The following KASH5 variants were observed in gnomAD, a reference collection of about 807,000 sequenced individuals.
KASH5 encodes protein KASH5.
KASH5 carries 72 observed loss-of-function variants against 84.2 expected under a neutral mutation model. The ratio of observed to expected loss-of-function variants is 0.85; its 90% CI spans 0.71 to 1.04. KASH5 has a LOEUF of 1.04. Ranked by LOEUF, KASH5 falls within the 50% of genes least tolerant of loss-of-function variation. The pLI is 0.00. For missense variants in KASH5, 650 were observed against 701.0 expected (o/e 0.93, Z 0.82); for synonymous variants, 260 against 279.1 (o/e 0.93, Z 0.68).
At position 49,399,182 on chromosome 19, in the gene KASH5, CTT is replaced by C; in HGVS notation, c.747+42_747+43del. 1 of 1,496,818 alleles carries C rather than the reference CTT, an allele frequency of 6.7e-7. No homozygotes were observed. The highest frequency in any genetic ancestry group is 9.0e-7 in the Non-Finnish European group (1 of 1,109,542). The allele number at this position is 1,496,818 out of a possible 1,614,324, so 92.7% of individuals were successfully genotyped here. ...GGGGAAGGAAGGTGCCCTCTCTCTT[CTT>C]TGTTTCCTGGAGTCAGGGCGGCAGA... On this transcript the variant is annotated intron_variant, in intron 8 of 19. Coordinates refer to ENST00000447857, the MANE Select transcript of KASH5 (RefSeq NM_144688.5). This position sits in a 1 kb window ranked among gnomAD's most constrained non-coding sequence, Gnocchi z 4.4.
At chr19:49,403,887 C>CAG (rs1215915034) in intron 9 of KASH5, among the ~76,000 whole-genome samples, 1 of 152,206 alleles carries the variant, frequency 6.6e-6, no homozygotes, top group East Asian at 1.9e-4. Context: ...CAGCTGCCTA[C>CAG]AGAGCATCTA....
intron 12 of KASH5, 65 bp downstream of exon 12, chr19:49,407,736 T>C: frequency 6.7e-7 from 1 of 1,495,364 alleles, no homozygotes; most frequent in Non-Finnish European, 9.1e-7. Context: ...TCTCTGGGAC[T>C]TGCTGCCTCT....
intron 9 of KASH5, 44 bp from the exon 10 acceptor site, chr19:49,406,842 T>C (rs754730407): frequency 1.3e-6 from 2 of 1,538,742 alleles, no homozygotes; most frequent in Admixed American, 3.7e-5. Context: ...ATTTTGACAT[T>C]ACCACTTGCT....
rs1371460075 is a variant in KASH5 at position 49,407,615 on chromosome 19, A to C, written c.937A>C (p.Thr313Pro). ...CQRDTILSERTRDVESLAQTL... is the reference protein window; with the variant it reads ...CQRDTILSERPRDVESLAQTL... Reference sequence around the variant, plus strand: ...ATTTGGCTTTCGGCTTTCCTAGCGCACTCGCGATGTGGAGAGCCTGGCCCA... The same window carrying C: ...ATTTGGCTTTCGGCTTTCCTAGCGCCCTCGCGATGTGGAGAGCCTGGCCCA... Residue 313 changes from threonine (T) to proline (P), a missense_variant, in exon 12 of 20, where the codon ACT becomes CCT. Transcript: ENST00000447857. The C allele has an allele frequency of 6.3e-7, 1 of 1,595,292 alleles. No homozygotes were observed. The highest frequency in any genetic ancestry group is 8.5e-7 in the Non-Finnish European group (1 of 1,171,350).
chr19:49,411,927 GGAA>G (rs1974725577), intron 15 of KASH5, among the ~76,000 whole-genome samples: 3 of 37,266 alleles, frequency 8.1e-5, no homozygotes, highest in Non-Finnish European at 2.1e-4. Flanking sequence ...AGGGAAGGAA[GGAA>G]GGAAGGAAGG....
intron 10 of KASH5, 87 bp downstream of exon 10, chr19:49,407,050 A>G: frequency 2.9e-6 from 4 of 1,372,314 alleles, no homozygotes; most frequent in Non-Finnish European, 4.0e-6. Flanking sequence ...CAGCCTGATA[A>G]GGGCAGGGTC....
chr19:49,415,299 A>T, intron 17 of KASH5: 1 of 478,354 alleles, frequency 2.1e-6, no homozygotes, highest in Non-Finnish European at 3.8e-6. Context: ...CCCGGATTGC[A>T]TAAATGCACA....
At position 49,399,223 on chromosome 19, in the gene KASH5, G is replaced by A. The variant is rs1010845768; in HGVS notation, c.747+81G>A. ...CAGGGCGGCAGAGTGTGACTATGGA[G>A]TAGGAAGGGGCAGAGGTCACCTGGC... is the stretch of plus-strand genomic sequence containing the variant. On this transcript the variant is annotated intron_variant, in intron 8 of 19. Transcript: ENST00000447857. The surrounding 1 kb of genome is among the most constrained non-coding windows in gnomAD (Gnocchi z 4.4). 3 of 1,245,252 alleles carry A rather than the reference G, an allele frequency of 2.4e-6. No homozygotes were observed. The highest frequency in any genetic ancestry group is 2.5e-5 in the East Asian group (1 of 39,370). 77.1% of individuals were successfully genotyped at this position (1,245,252 alleles called of 1,614,324 possible). A position where few individuals can be genotyped will look rare whatever the true frequency, so the allele number is the denominator to read the frequency against.
Position 49,395,766 on chromosome 19 carries a change from CAG to C in KASH5, c.336-2_336-1del. The C allele has an allele frequency of 6.4e-7, 1 of 1,557,698 alleles. No homozygotes were observed. The highest frequency in any genetic ancestry group is 8.7e-7 in the Non-Finnish European group (1 of 1,150,984). On this transcript the variant is annotated splice_acceptor_variant, in intron 4 of 19. Transcript: ENST00000447857. LOFTEE classifies it high-confidence loss of function. The surrounding 1 kb of genome is among the most constrained non-coding windows in gnomAD (Gnocchi z 4.4). ...GGCGCTAAGCCTCATCCCTTTGATA[CAG>C]GGGATTAGAGCTGGAAGAGGAGACC...
chr19:49,407,750 C>A, intron 12 of KASH5, 79 bp downstream of exon 12: 2 of 1,415,744 alleles, frequency 1.4e-6, no homozygotes, highest in Non-Finnish European at 2.0e-6. Context: ...TGCCTCTCCT[C>A]CTCGTGCCTC....
At chr19:49,413,282 G>GC (rs1286405487) in intron 16 of KASH5, among the ~76,000 whole-genome samples, 1 of 151,630 alleles carries the variant, frequency 6.6e-6, no homozygotes, top group Non-Finnish European at 1.5e-5. Context: ...AATGGGGTGA[G>GC]GGGGGGCCTC....
chr19:49,409,978 A>G lies in KASH5; in HGVS notation c.1269+103A>G, dbSNP rs528286553. 1.4e-5 allele frequency: 20 copies of G among 1,449,258 alleles called. No homozygotes were observed. In the Admixed American group the frequency reaches 3.6e-4, roughly 26 times the overall value. The allele number at this position is 1,449,258 out of a possible 1,614,324, so 89.8% of individuals were successfully genotyped here. ...TCACTCACACTTTTGCTTGTTCCCC[A>G]TTTGATGAGAAAATGTTAATTGAGG... On this transcript the variant is annotated intron_variant, in intron 15 of 19. Transcript: ENST00000447857.
In KASH5 at chr19:49,394,539, TACTCA is replaced by T. The variant is rs748665033; in HGVS notation, c.112_116del (p.Asn38HisfsTer6). 6 of 1,613,548 alleles carry T rather than the reference TACTCA, an allele frequency of 3.7e-6. No homozygotes were observed. The South Asian group carries it at 6.6e-5, about 18-fold the overall frequency. ...ATGCCGGTCAGCTTGGAGGAGCAAA[TACTCA>T]ACTCCACGTTCGAAGCTTGTGACCC... is the stretch of plus-strand genomic sequence containing the variant. On this transcript the variant is annotated frameshift_variant, in exon 3 of 20. Coordinates refer to ENST00000447857, the MANE Select transcript of KASH5 (RefSeq NM_144688.5). LOFTEE classifies it high-confidence loss of function.
At position 49,407,262 on chromosome 19, in the gene KASH5, A is replaced by G; in HGVS notation, c.899A>G (p.His300Arg). Residue 300 changes from histidine to arginine, a missense_variant, in exon 11 of 20, where the codon CAC becomes CGC. Physicochemically the swap from His to Arg is conservative, Grantham distance 29 (BLOSUM62 0). Transcript: ENST00000447857. ...CAGCGGCAGCTCTTTGAGTGTGAAC[A>G]CCTCATTTGCCAAAGAGACACCATC... ...TLKRQLFECEHLICQRDTILS... is the reference protein window; with the variant it reads ...TLKRQLFECERLICQRDTILS... 2 of 1,613,746 alleles carry G rather than the reference A, an allele frequency of 1.2e-6. No individual in the cohort carries two copies. The highest frequency in any genetic ancestry group is 1.7e-6 in the Non-Finnish European group (2 of 1,179,766).
At position 49,399,802 on chromosome 19, in the gene KASH5, A is replaced by C; in HGVS notation, c.798+295A>C. On this transcript the variant is annotated intron_variant, in intron 9 of 19. Coordinates refer to ENST00000447857, the MANE Select transcript of KASH5 (RefSeq NM_144688.5). This position sits in a 1 kb window ranked among gnomAD's most constrained non-coding sequence, Gnocchi z 4.4. ...CTCACCTATAAAGATGAACAAAACA[A>C]TGGCATCTGCCTCAGTGGTTTGTGT... The C allele has an allele frequency of 4.9e-6, 3 of 607,790 alleles. No homozygotes were observed. The highest frequency in any genetic ancestry group is 7.8e-6 in the Non-Finnish European group (3 of 385,026). The allele number at this position is 607,790 out of a possible 1,614,324, so 37.6% of individuals were successfully genotyped here.
Position 49,395,126 on chromosome 19 carries a change from G to C in KASH5, c.169G>C (p.Val57Leu). 6.2e-7 allele frequency: 1 copy of C among 1,609,832 alleles called. No homozygotes were observed. Among genetic ancestry groups the C allele is most frequent in the Non-Finnish European group, 8.5e-7 (1 of 1,178,984 alleles). ...CACAGGCACTGTGGCTGTGGCCCAG[G>C]TGCTGGCCTACCTGGAGGCTGTGAC... is the stretch of plus-strand genomic sequence containing the variant. ...QRTGTVAVAQ[V>L]LAYLEAVTGQ... is the part of the protein sequence containing the mutation. Residue 57 changes from valine to leucine, a missense_variant, in exon 4 of 20, where the codon GTG becomes CTG. Coordinates refer to ENST00000447857, the MANE Select transcript of KASH5 (RefSeq NM_144688.5). The surrounding 1 kb of genome is among the most constrained non-coding windows in gnomAD (Gnocchi z 4.4).
chr19:49,400,146 C>T (rs910380919), intron 9 of KASH5, among the ~76,000 whole-genome samples: 4 of 148,412 alleles, frequency 2.7e-5, no homozygotes, highest in Admixed American at 6.9e-5. Flanking sequence ...AAAGACTGCA[C>T]GAGCCCGGGA....
At position 49,417,199 on chromosome 19, in the gene KASH5, A is replaced by G. The variant is rs1974935713; in HGVS notation, c.1480A>G (p.Met494Val). The G allele has an allele frequency of 2.5e-6, 4 of 1,613,892 alleles. No individual in the cohort carries two copies. The highest frequency in any genetic ancestry group is 3.4e-6 in the Non-Finnish European group (4 of 1,179,854). The change falls in exon 19 of 20, where the codon ATG becomes GTG. Residue 494 changes from methionine (M) to valine (V), a missense_variant. Coordinates refer to ENST00000447857, the MANE Select transcript of KASH5 (RefSeq NM_144688.5). The surrounding 1 kb of genome is among the most constrained non-coding windows in gnomAD (Gnocchi z 5.2). ...ACTCCAGCAAGCCCTGGTGCCTGTGATGAAAAAGCTGGTCCCAGTCAGGAG... is the reference window on the plus strand; with the variant it reads ...ACTCCAGCAAGCCCTGGTGCCTGTGGTGAAAAAGCTGGTCCCAGTCAGGAG... ...RELQQALVPV[M>V]KKLVPVRRRA...
At position 49,417,340 on chromosome 19, in the gene KASH5, C is replaced by T. The variant is rs1377453039; in HGVS notation, c.1548-29C>T. On this transcript the variant is annotated intron_variant, in intron 19 of 19. Coordinates refer to ENST00000447857, the MANE Select transcript of KASH5 (RefSeq NM_144688.5). This position sits in a 1 kb window ranked among gnomAD's most constrained non-coding sequence, Gnocchi z 5.2. ...AAGAGCAGGGGCTGCCCAGACCCTGCCCTAAATGCTCTCCCACCTCCCCAC... is the reference window on the plus strand; with the variant it reads ...AAGAGCAGGGGCTGCCCAGACCCTGTCCTAAATGCTCTCCCACCTCCCCAC... 5 of 1,557,840 alleles carry T rather than the reference C, an allele frequency of 3.2e-6. No homozygotes were observed. In the East Asian group the frequency reaches 1.2e-4, roughly 37 times the overall value.
Sources: gnomAD v4.1 joint callset for allele counts (sites outside exome capture counted in the v4.1 genomes callset) on GRCh38, gnomAD v4.1.1 for gene constraint, Gnocchi (gnomAD v3.1) non-coding constraint, MANE v1.5 for transcripts, NCBI Gene and HGNC (gene_info 2026-07-23, HGNC 2026-07-21) for gene names.